RBFOX2: variants seen among roughly 807,000 people sequenced by gnomAD.
RBFOX2 encodes the protein RNA binding fox-1 homolog 2.
RBFOX2 carries 10 observed loss-of-function variants against 49.1 expected under a neutral mutation model. The observed-to-expected ratio is 0.20, with a 90% CI of 0.13 to 0.35. RBFOX2 has a LOEUF of 0.35. RBFOX2 is among the 10% of genes least tolerant of loss of function. The pLI is 1.00. For synonymous variants in RBFOX2, 183 were observed against 187.4 expected (o/e 0.98, Z 0.19); for missense variants, 323 against 486.9 (o/e 0.66, Z 3.17).
intron 2 of RBFOX2, among the ~76,000 whole-genome samples, chr22:35,783,218 A>C (rs985805436): frequency 6.6e-6 from 1 of 152,160 alleles, no homozygotes; most frequent in African/African-American, 2.4e-5. Context: ...TTCCCATGTT[A>C]CACAGGAGGA....
intron 1 of RBFOX2, among the ~76,000 whole-genome samples, chr22:36,017,278 C>T (rs534444724): frequency 6.6e-6 from 1 of 152,198 alleles, no homozygotes; most frequent in African/African-American, 2.4e-5. Flanking sequence ...GCCTGTAATC[C>T]CAGCACTTTG....
intron 1 of RBFOX2, among the ~76,000 whole-genome samples, chr22:35,864,661 A>C (rs2043468305): frequency 2.0e-5 from 3 of 152,254 alleles, no homozygotes; most frequent in Admixed American, 2.0e-4. Context: ...GAAATGAAAG[A>C]AACAGAGCAC....
chr22:36,008,990 C>T (rs1603465926), intron 1 of RBFOX2, among the ~76,000 whole-genome samples: 3 of 152,254 alleles, frequency 2.0e-5, no homozygotes, highest in African/African-American at 7.2e-5. Context: ...AAACTTCTCA[C>T]ATCAATATTC....
At chr22:35,924,393 T>C (rs2051379097) in intron 1 of RBFOX2, among the ~76,000 whole-genome samples, 1 of 152,206 alleles carries the variant, frequency 6.6e-6, no homozygotes. Flanking sequence ...TAATAGGAGA[T>C]ACATGGGAAA....
At chr22:36,019,895 A>C (rs2059175782) in intron 1 of RBFOX2, among the ~76,000 whole-genome samples, 2 of 152,186 alleles carry the variant, frequency 1.3e-5, no homozygotes, top group Non-Finnish European at 2.9e-5. Context: ...GGAAAAAACT[A>C]CTTTGAAGTT....
chr22:35,782,297 A>G (rs1033044201), intron 2 of RBFOX2, among the ~76,000 whole-genome samples: 4 of 152,138 alleles, frequency 2.6e-5, no homozygotes, highest in African/African-American at 9.7e-5. Flanking sequence ...TTATTTATGA[A>G]GAGGAAAGAC....
chr22:35,746,294 G>A (rs748723883), intron 10 of RBFOX2, among the ~76,000 whole-genome samples, 179 bp downstream of exon 12: 1 of 152,136 alleles, frequency 6.6e-6, no homozygotes, highest in African/African-American at 2.4e-5. Context: ...GGACAGAGTC[G>A]GTGCCTTGTG....
chr22:35,792,330 A>AAAAAAAG (rs1555915604), intron 2 of RBFOX2, among the ~76,000 whole-genome samples: 1 of 136,406 alleles, frequency 7.3e-6, no homozygotes, highest in African/African-American at 2.9e-5. Flanking sequence ...AAAAAAAAAA[A>AAAAAAAG]AAAAGAAAAG....
At chr22:35,954,074 T>C (rs1413375721) in intron 1 of RBFOX2, among the ~76,000 whole-genome samples, 1 of 152,152 alleles carries the variant, frequency 6.6e-6, no homozygotes, top group Non-Finnish European at 1.5e-5. Flanking sequence ...ACACAATATA[T>C]ATGTTTTTTT....
At chr22:35,986,555 A>G (rs534378612) in intron 1 of RBFOX2, among the ~76,000 whole-genome samples, 1 of 152,324 alleles carries the variant, frequency 6.6e-6, no homozygotes, top group Admixed American at 6.5e-5. Flanking sequence ...TTGAAAGCAG[A>G]CAATGTTTTC....
intron 2 of RBFOX2, among the ~76,000 whole-genome samples, chr22:35,784,938 C>T (rs974095636): frequency 2.6e-5 from 4 of 152,190 alleles, no homozygotes; most frequent in Non-Finnish European, 4.4e-5. Flanking sequence ...CCACAGAGGG[C>T]GCGATCCCAC....
intron 2 of RBFOX2, among the ~76,000 whole-genome samples, chr22:35,807,236 G>A (rs867992707): frequency 1.3e-5 from 2 of 152,232 alleles, no homozygotes; most frequent in Middle Eastern, 6.8e-3. Flanking sequence ...CAGACAAATA[G>A]TTTTACTATT....
intron 1 of RBFOX2, among the ~76,000 whole-genome samples, chr22:35,937,254 A>G (rs931323724): frequency 6.6e-6 from 1 of 152,262 alleles, no homozygotes; most frequent in Admixed American, 6.5e-5. Flanking sequence ...TATCAAAGGC[A>G]TAAGTTTCCC....
At chr22:35,867,515 C>T (rs2043830990) in intron 1 of RBFOX2, among the ~76,000 whole-genome samples, 2 of 152,158 alleles carry the variant, frequency 1.3e-5, no homozygotes, top group African/African-American at 4.8e-5. Flanking sequence ...CAATTGCTCA[C>T]ACCATAGGAC....
At chr22:35,933,753 G>A (rs976675667) in intron 1 of RBFOX2, among the ~76,000 whole-genome samples, 1 of 151,598 alleles carries the variant, frequency 6.6e-6, no homozygotes, top group African/African-American at 2.4e-5. Flanking sequence ...TCTAATAAAG[G>A]GACGCTTTTA....
At chr22:35,794,463 C>A (rs1392826282) in intron 2 of RBFOX2, among the ~76,000 whole-genome samples, 3 of 151,968 alleles carry the variant, frequency 2.0e-5, no homozygotes, top group Non-Finnish European at 2.9e-5. Flanking sequence ...TCGGGACCAT[C>A]CTGGCTAACA....
chr22:35,956,534 G>C (rs970920566), intron 1 of RBFOX2, among the ~76,000 whole-genome samples: 2 of 151,918 alleles, frequency 1.3e-5, no homozygotes, highest in African/African-American at 4.8e-5. Context: ...GCTAATTTTT[G>C]TATTTTTAGT....
intron 1 of RBFOX2, among the ~76,000 whole-genome samples, chr22:35,854,191 A>G (rs547981193): frequency 2.0e-4 from 30 of 152,068 alleles, no homozygotes; most frequent in Admixed American, 1.9e-3. Context: ...CAGCCTGGGC[A>G]ACGAAAGCAA....
At chr22:35,815,422 A>T (rs1952831165) in intron 1 of RBFOX2, among the ~76,000 whole-genome samples, 1 of 152,212 alleles carries the variant, frequency 6.6e-6, no homozygotes, top group South Asian at 2.1e-4. Context: ...TATTTCTAGG[A>T]TAACTAAAGT....
Sources: allele counts gnomAD v4.1 joint callset (sites outside exome capture counted in the v4.1 genomes callset), GRCh38; gene constraint gnomAD v4.1.1; transcripts MANE v1.5; gene names NCBI Gene and HGNC (gene_info 2026-07-23, HGNC 2026-07-21).